The following RRAS2 variants were observed in gnomAD, a reference collection of about 807,000 sequenced individuals.
RRAS2 encodes the protein RAS related 2, also known as ras-related protein R-Ras2.
In RRAS2, 7 loss-of-function variants were observed where a neutral mutation model predicts 27.6. The ratio of observed to expected loss-of-function variants is 0.25; its 90% CI spans 0.14 to 0.48. RRAS2 has a LOEUF of 0.48. RRAS2 is among the 20% of genes least tolerant of loss of function. The probability of loss-of-function intolerance (pLI) is 0.99; values close to 1 mark genes in which losing one functional copy is unlikely to be tolerated. For missense variants in RRAS2, 178 were observed against 256.2 expected, an observed-to-expected ratio of 0.69 and a Z score of 2.08; for synonymous variants, 86 against 90.9, an observed-to-expected ratio of 0.95 and a Z score of 0.31.
At chr11:14,329,406 G>A (rs1848440137) in intron 1 of RRAS2, among the ~76,000 whole-genome samples, 5 of 152,158 alleles carry the variant, frequency 3.3e-5, no homozygotes, top group South Asian at 2.1e-4. Context: ...AAGCCACCAC[G>A]TGGGGCCAAA....
chr11:14,330,211 GA>G (rs1211229734), intron 1 of RRAS2, among the ~76,000 whole-genome samples: 16 of 152,078 alleles, frequency 1.1e-4, no homozygotes, highest in Admixed American at 1.0e-3. Flanking sequence ...AAACCCAAAG[GA>G]AAACAGAACA....
At chr11:14,282,541 TATTAC>T (rs1849568817) in intron 4 of RRAS2, among the ~76,000 whole-genome samples, 1 of 152,216 alleles carries the variant, frequency 6.6e-6, no homozygotes, top group Non-Finnish European at 1.5e-5. Flanking sequence ...TATTAAACTC[TATTAC>T]ATTTACATTT....
chr11:14,302,978 A>T (rs1251848097), intron 1 of RRAS2, among the ~76,000 whole-genome samples: 2 of 152,220 alleles, frequency 1.3e-5, no homozygotes, highest in South Asian at 2.1e-4. Context: ...TGTTGTGAAA[A>T]GTTAAAAATA....
upstream of RRAS2, among the ~76,000 whole-genome samples, chr11:14,363,283 T>C (rs938235490): frequency 5.9e-5 from 9 of 152,196 alleles, no homozygotes; most frequent in Non-Finnish European, 1.0e-4. Flanking sequence ...AATCCTACTA[T>C]GACAATGTTC....
In RRAS2 at chr11:14,339,277, C is replaced by CA. The variant is rs71041597; in HGVS notation, c.108+19485dup. Among the ~76,000 whole-genome samples the CA allele has an allele frequency of 4.2e-3, 179 of 42,322 alleles. 2 individuals carry two copies. Among genetic ancestry groups the CA allele is most frequent in the African/African-American group, 7.2e-3 (72 of 9,958 alleles). 27.8% of individuals were successfully genotyped at this position (42,322 alleles called of 152,430 possible). A position where few individuals can be genotyped will look rare whatever the true frequency, so the allele number is the denominator to read the frequency against. ...GGCAACACAATGAGACTGTCTCTAC[C>CA]AAAAAAAAAAAAAAAAGGGGGGGGG... On this transcript the variant is annotated intron_variant, in intron 1 of 5. Coordinates refer to ENST00000256196, the MANE Select transcript of RRAS2 (RefSeq NM_012250.6).
At chr11:14,310,607 C>G (rs1564965242) in intron 1 of RRAS2, among the ~76,000 whole-genome samples, 1 of 152,102 alleles carries the variant, frequency 6.6e-6, no homozygotes, top group Non-Finnish European at 1.5e-5. Flanking sequence ...ATGACATTTA[C>G]TATATACCAG....
In RRAS2 at chr11:14,358,604, G is replaced by A; in HGVS notation, c.108+159C>T. On this transcript the variant is annotated intron_variant, in intron 1 of 5. Coordinates refer to ENST00000256196, the MANE Select transcript of RRAS2 (RefSeq NM_012250.6). The surrounding 1 kb of genome is among the most constrained non-coding windows in gnomAD (Gnocchi z 5.1). ...CAGGAGCGCGACGCTGCGGCCGCAG[G>A]GCAGGAGCGTAGTCGGCCCCGCGCC... 1.0e-6 allele frequency: 1 copy of A among 983,840 alleles called. No homozygotes were observed. The highest frequency in any genetic ancestry group is 1.2e-6 in the Non-Finnish European group (1 of 828,304). The allele number at this position is 983,840 out of a possible 1,614,324, so 60.9% of individuals were successfully genotyped here.
Position 14,346,092 on chromosome 11 carries a change from G to T in RRAS2, c.108+12671C>A, listed in dbSNP as rs186028197. On this transcript the variant is annotated intron_variant, in intron 1 of 5. Coordinates refer to ENST00000256196, the MANE Select transcript of RRAS2 (RefSeq NM_012250.6). ...TTACCGTTGTTTAATATCAGACCGA[G>T]AAATCAAGGGCACTAAATATGTTTT... Among the ~76,000 whole-genome samples, 14 of 152,268 alleles carry T rather than the reference G, an allele frequency of 9.2e-5. No homozygotes were observed. In the East Asian group the frequency reaches 2.7e-3, roughly 29 times the overall value.
At chr11:14,309,475 T>C (rs1313157710) in intron 1 of RRAS2, among the ~76,000 whole-genome samples, 1 of 152,064 alleles carries the variant, frequency 6.6e-6, no homozygotes, top group African/African-American at 2.4e-5. Context: ...TAAGCAAACA[T>C]AATACATCAG....
At chr11:14,339,300 G>A (rs1195077517) in intron 1 of RRAS2, among the ~76,000 whole-genome samples, 1 of 129,728 alleles carries the variant, frequency 7.7e-6, no homozygotes, top group African/African-American at 2.8e-5. Flanking sequence ...AAAAGGGGGG[G>A]GGGGGAAGAA....
At chr11:14,349,759 G>C (rs1449289767) in intron 1 of RRAS2, among the ~76,000 whole-genome samples, 2 of 152,236 alleles carry the variant, frequency 1.3e-5, no homozygotes, top group African/African-American at 2.4e-5. Context: ...CCTGAGGACA[G>C]AGTTCAAATA....
chr11:14,328,229 G>A (rs1308290479), intron 1 of RRAS2, among the ~76,000 whole-genome samples: 6 of 152,006 alleles, frequency 3.9e-5, no homozygotes, highest in Non-Finnish European at 7.4e-5. Flanking sequence ...AGCCAGGTGT[G>A]GTGGTGCATG....
intron 4 of RRAS2, among the ~76,000 whole-genome samples, chr11:14,283,186 C>A (rs1849585259): frequency 6.6e-6 from 1 of 152,192 alleles, no homozygotes. Flanking sequence ...TATATGATTT[C>A]TCCTTTTTAG....
chr11:14,340,378 G>A (rs1848678126), intron 1 of RRAS2, among the ~76,000 whole-genome samples: 1 of 151,916 alleles, frequency 6.6e-6, no homozygotes, highest in South Asian at 2.1e-4. Context: ...TGGAATTACA[G>A]GAGTGAGCCA....
intron 1 of RRAS2, among the ~76,000 whole-genome samples, chr11:14,309,311 C>T (rs954730336): frequency 6.6e-6 from 1 of 152,206 alleles, no homozygotes; most frequent in Non-Finnish European, 1.5e-5. Context: ...AAAACTGCCA[C>T]AAGAATCTTC....
At chr11:14,300,609 G>GT (rs1847673788) in intron 1 of RRAS2, among the ~76,000 whole-genome samples, 1 of 152,048 alleles carries the variant, frequency 6.6e-6, no homozygotes, top group African/African-American at 2.4e-5. Flanking sequence ...ATTGATCTGG[G>GT]TAAGTTTGTC....
chr11:14,296,018 A>T (rs1847539253), intron 1 of RRAS2, 163 bp from the exon 2 acceptor site: 1 of 449,388 alleles, frequency 2.2e-6, no homozygotes, highest in Non-Finnish European at 3.9e-6. Flanking sequence ...TTAAAAAAAA[A>T]TTAAAAAATT....
At chr11:14,326,627 T>C (rs1848362575) in intron 1 of RRAS2, among the ~76,000 whole-genome samples, 1 of 152,160 alleles carries the variant, frequency 6.6e-6, no homozygotes, top group South Asian at 2.1e-4. Flanking sequence ...AATTAAGAGT[T>C]CCAGTAAGAG....
chr11:14,287,935 A>G (rs1157568827), intron 4 of RRAS2, among the ~76,000 whole-genome samples: 1 of 151,832 alleles, frequency 6.6e-6, no homozygotes, highest in Non-Finnish European at 1.5e-5. Flanking sequence ...GGTCTACATG[A>G]TAAAACAATC....
Sources: gnomAD v4.1 joint callset for allele counts (sites outside exome capture counted in the v4.1 genomes callset) on GRCh38, gnomAD v4.1.1 for gene constraint, Gnocchi (gnomAD v3.1) non-coding constraint, MANE v1.5 for transcripts, NCBI Gene and HGNC (gene_info 2026-07-23, HGNC 2026-07-21) for gene names.